ARHGAP18: variants seen among roughly 807,000 people sequenced by gnomAD.
ARHGAP18 encodes the protein rho GTPase-activating protein 18.
In ARHGAP18, 67 loss-of-function variants were observed where a neutral mutation model predicts 86.2. The ratio of observed to expected loss-of-function variants is 0.78; its 90% CI spans 0.64 to 0.95. ARHGAP18 has a LOEUF of 0.95. Ranked by LOEUF, ARHGAP18 falls within the 40% of genes least tolerant of loss-of-function variation. The probability of loss-of-function intolerance (pLI) is 0.00; values close to 1 mark genes in which losing one functional copy is unlikely to be tolerated. For missense variants in ARHGAP18, 691 were observed against 780.4 expected (o/e 0.89, Z 1.37); for synonymous variants, 283 against 280.4 (o/e 1.01, Z -0.09).
At position 129,702,473 on chromosome 6, in the gene ARHGAP18, T is replaced by A. The variant is rs553685733; in HGVS notation, c.113+7551A>T. On this transcript the variant is annotated intron_variant, in intron 1 of 14. Coordinates refer to ENST00000368149, the MANE Select transcript of ARHGAP18 (RefSeq NM_033515.3). ...TGAATAAAACATTTAGAACAAACCA[T>A]CTCTCTCAAAATATTCGTATGAAAT... Among the ~76,000 whole-genome samples, 13 of 152,038 alleles carry A rather than the reference T, an allele frequency of 8.6e-5. No individual in the cohort carries two copies. In the East Asian group the frequency reaches 1.9e-3, roughly 23 times the overall value.
At chr6:129,614,999 C>A (rs1789065028) in intron 7 of ARHGAP18, among the ~76,000 whole-genome samples, 2 of 152,096 alleles carry the variant, frequency 1.3e-5, no homozygotes, top group Admixed American at 6.5e-5. Context: ...GCCTGCTCTA[C>A]ATATTTCAGA....
chr6:129,648,203 G>A (rs568579116), intron 1 of ARHGAP18, among the ~76,000 whole-genome samples: 10 of 150,550 alleles, frequency 6.6e-5, no homozygotes, highest in African/African-American at 2.2e-4. Context: ...ATGGGGTCTC[G>A]CTGTGTCTCC....
At chr6:129,709,286 A>G (rs1231457954) in intron 1 of ARHGAP18, among the ~76,000 whole-genome samples, 2 of 152,000 alleles carry the variant, frequency 1.3e-5, no homozygotes, top group African/African-American at 4.8e-5. Context: ...AAGGAGAGAA[A>G]GAAAAAAAAA....
intron 1 of ARHGAP18, among the ~76,000 whole-genome samples, chr6:129,696,353 G>A (rs1453485711): frequency 6.6e-6 from 1 of 152,154 alleles, no homozygotes; most frequent in Non-Finnish European, 1.5e-5. Context: ...TATAGACCCT[G>A]TTAGGTACTT....
intron 2 of ARHGAP18, among the ~76,000 whole-genome samples, chr6:129,640,710 T>C (rs1242934982): frequency 6.6e-6 from 1 of 152,226 alleles, no homozygotes; most frequent in African/African-American, 2.4e-5. Flanking sequence ...AGATCCTAAG[T>C]CATTTAGTTA....
chr6:129,602,856 G>A (rs1413489032), intron 10 of ARHGAP18, among the ~76,000 whole-genome samples: 4 of 151,750 alleles, frequency 2.6e-5, no homozygotes, highest in Admixed American at 2.0e-4. Flanking sequence ...ATGTAATAAC[G>A]TTACTCAAAA....
chr6:129,703,741 A>G (rs1774755626), intron 1 of ARHGAP18, among the ~76,000 whole-genome samples: 2 of 152,208 alleles, frequency 1.3e-5, no homozygotes, highest in South Asian at 4.1e-4. Flanking sequence ...GGGTTTTTAA[A>G]CCACAGTGAA....
intron 3 of ARHGAP18, among the ~76,000 whole-genome samples, chr6:129,637,239 G>A (rs974651815): frequency 5.9e-5 from 9 of 152,004 alleles, no homozygotes; most frequent in African/African-American, 1.2e-4. Flanking sequence ...TAATTCTTGC[G>A]CTTTTTGTAG....
chr6:129,585,196 G>A (rs1562676774), intron 12 of ARHGAP18, among the ~76,000 whole-genome samples: 1 of 152,034 alleles, frequency 6.6e-6, no homozygotes, highest in East Asian at 1.9e-4. Context: ...GGAGGCTGAG[G>A]TAGGAGAATT....
chr6:129,698,567 T>C (rs541336418), intron 1 of ARHGAP18, among the ~76,000 whole-genome samples: 1 of 150,972 alleles, frequency 6.6e-6, no homozygotes, highest in Non-Finnish European at 1.5e-5. Context: ...GAGGGGAACG[T>C]AGTCTTGCTC....
At position 129,618,373 on chromosome 6, in the gene ARHGAP18, C is replaced by T. The variant is rs1025443716; in HGVS notation, c.952+314G>A. On this transcript the variant is annotated intron_variant, in intron 6 of 14. Coordinates refer to ENST00000368149, the MANE Select transcript of ARHGAP18 (RefSeq NM_033515.3). ...TTCTGGAAATAAATAAATATGTGTACCAAATATGTATCTTTTTAAATATAT... is the reference window on the plus strand; with the variant it reads ...TTCTGGAAATAAATAAATATGTGTATCAAATATGTATCTTTTTAAATATAT... Among the ~76,000 whole-genome samples the T allele has an allele frequency of 5.9e-5, 9 of 152,136 alleles. No homozygotes were observed. The East Asian group carries it at 1.5e-3, about 26-fold the overall frequency.
In ARHGAP18 at chr6:129,603,355, GGTGTATGT is replaced by G. The variant is rs1319253700; in HGVS notation, c.1365+2514_1366-2508del. On this transcript the variant is annotated intron_variant, in intron 10 of 14. Transcript: ENST00000368149. Reference sequence around the variant, plus strand: ...GTCTTATGGCTGAGTAGTATTACATGGTGTATGTGTGTATGTGTGTGTGTCTGTGTGTA... The same window carrying G: ...GTCTTATGGCTGAGTAGTATTACATGGTGTATGTGTGTGTGTCTGTGTGTA... 2.6e-5 allele frequency among the ~76,000 whole-genome samples: 4 copies of G among 152,036 alleles called. No homozygotes were observed. The East Asian group carries it at 7.7e-4, about 29-fold the overall frequency.
At position 129,577,509 on chromosome 6, in the gene ARHGAP18, G is replaced by T. The variant is rs531706123; in HGVS notation, c.*1004C>A. On this transcript the variant is annotated 3_prime_UTR_variant, in exon 15 of 15. Transcript: ENST00000368149. ...AAGAACATTTTAATAAATTGACTCC[G>T]ATTATTTAAAATAAGAACACAAACA... 3 of 151,670 alleles carry T rather than the reference G, an allele frequency of 2.0e-5. No individual in the cohort carries two copies. Among genetic ancestry groups the T allele is most frequent in the East Asian group, 1.9e-4 (1 of 5,196 alleles). The allele number at this position is 151,670 out of a possible 1,614,324, so 9.4% of individuals were successfully genotyped here.
intron 10 of ARHGAP18, among the ~76,000 whole-genome samples, chr6:129,604,004 C>T (rs1203333958): frequency 6.6e-6 from 1 of 152,190 alleles, no homozygotes; most frequent in Non-Finnish European, 1.5e-5. Flanking sequence ...AATTATATTG[C>T]ATTGGAGTTT....
intron 5 of ARHGAP18, among the ~76,000 whole-genome samples, chr6:129,619,761 T>G (rs982301053): frequency 6.6e-6 from 1 of 151,578 alleles, no homozygotes; most frequent in Non-Finnish European, 1.5e-5. Context: ...CATACACTTA[T>G]GTATCTTTTA....
At chr6:129,652,544 TCCC>T (rs1378026730) in intron 1 of ARHGAP18, among the ~76,000 whole-genome samples, 1 of 152,118 alleles carries the variant, frequency 6.6e-6, no homozygotes, top group East Asian at 1.9e-4. Flanking sequence ...CATTCAAAAT[TCCC>T]CCATCATAAT....
intron 1 of ARHGAP18, among the ~76,000 whole-genome samples, chr6:129,672,750 G>T (rs13203608): frequency 0.061 from 9,292 of 152,266 alleles, 427 homozygotes; most frequent in Middle Eastern, 0.11. Context: ...CTTTGTTCAT[G>T]CTCTATGGCT....
intron 5 of ARHGAP18, among the ~76,000 whole-genome samples, chr6:129,625,325 G>T (rs1235509473): frequency 3.2e-5 from 2 of 62,028 alleles, no homozygotes; most frequent in African/African-American, 6.9e-5. Flanking sequence ...TAATATATAT[G>T]ATATATGATA....
chr6:129,671,424 C>A (rs34668341), intron 1 of ARHGAP18, among the ~76,000 whole-genome samples: 21,828 of 152,084 alleles, frequency 0.14, 1,733 homozygotes, highest in Middle Eastern at 0.16. Context: ...TAGGGCCAGG[C>A]GCAGTGGCTT....
Sources: allele counts gnomAD v4.1 joint callset (sites outside exome capture counted in the v4.1 genomes callset), GRCh38; gene constraint gnomAD v4.1.1; transcripts MANE v1.5; gene names NCBI Gene and HGNC (gene_info 2026-07-23, HGNC 2026-07-21).